Variants in CAST observed in about 807,000 individuals in gnomAD.
CAST encodes the protein MIR583 host.
A neutral mutation model predicts 119.6 loss-of-function variants in CAST; 76 were observed. The ratio of observed to expected loss-of-function variants is 0.64; its 90% CI spans 0.53 to 0.77. The LOEUF is 0.77. Ranked by LOEUF, CAST falls within the 30% of genes least tolerant of loss-of-function variation. The pLI, the probability that CAST is intolerant of heterozygous loss-of-function variation, is 0.00. For synonymous variants in CAST, 319 were observed against 331.6 expected (o/e 0.96, Z 0.41); for missense variants, 953 against 946.5 (o/e 1.01, Z -0.09).
At chr5:96,532,279 T>C (rs956594483) in intron 1 of CAST, among the ~76,000 whole-genome samples, 1 of 152,184 alleles carries the variant, frequency 6.6e-6, no homozygotes, top group Non-Finnish European at 1.5e-5. Flanking sequence ...CTTATTGTGA[T>C]GAATGAGAAA....
chr5:96,714,300 C>T (rs920884111), intron 3 of CAST, among the ~76,000 whole-genome samples: 1 of 152,194 alleles, frequency 6.6e-6, no homozygotes, highest in Non-Finnish European at 1.5e-5. Context: ...ATGCTCTTAA[C>T]CTCTGTGTTT....
chr5:96,771,617 C>G (rs1423756272), intron 30 of CAST, 27 bp from the exon 31 acceptor site: 1 of 1,599,154 alleles, frequency 6.3e-7, no homozygotes, highest in South Asian at 1.1e-5. Context: ...AAAGAAAGCT[C>G]ACGGATGGTT....
At chr5:96,429,045 A>G in the CAST span, among the ~76,000 whole-genome samples, 8 of 152,252 alleles carry the variant, frequency 5.3e-5, no homozygotes, top group East Asian at 1.5e-3. Context: ...TGTTATTATT[A>G]TGTGCCATTA....
the CAST span, chr5:95,961,599 C>A: frequency 1.2e-6 from 2 of 1,604,724 alleles, no homozygotes; most frequent in Non-Finnish European, 1.7e-6. Flanking sequence ...AAGTCTCGAG[C>A]GCCCGGATCG....
chr5:96,752,007 C>T (rs979826922), intron 20 of CAST, among the ~76,000 whole-genome samples: 4 of 152,076 alleles, frequency 2.6e-5, no homozygotes, highest in African/African-American at 4.8e-5. Flanking sequence ...CACCCTCGAA[C>T]GCCAGAAAGA....
chr5:96,454,650 C>T, the CAST span, among the ~76,000 whole-genome samples: 2 of 152,220 alleles, frequency 1.3e-5, no homozygotes, highest in Admixed American at 6.5e-5. Context: ...GACCCAGTTC[C>T]CTTCCTTGGT....
chr5:96,017,716 C>T, the CAST span, among the ~76,000 whole-genome samples: 1 of 151,852 alleles, frequency 6.6e-6, no homozygotes, highest in Admixed American at 6.6e-5. Flanking sequence ...TATTAGGACC[C>T]CTCTTAGCAT....
chr5:96,432,397 C>T, the CAST span, among the ~76,000 whole-genome samples: 2 of 152,184 alleles, frequency 1.3e-5, no homozygotes, highest in South Asian at 4.1e-4. Flanking sequence ...CTGCTTAGCC[C>T]CTTGCATCAG....
the CAST span, among the ~76,000 whole-genome samples, chr5:96,513,416 G>A: frequency 6.6e-6 from 1 of 152,234 alleles, no homozygotes; most frequent in Non-Finnish European, 1.5e-5. Context: ...AGGGAAAAGA[G>A]TGCAGGGGTG....
chr5:96,736,734 C>T (rs993504996), intron 10 of CAST, among the ~76,000 whole-genome samples: 2 of 152,022 alleles, frequency 1.3e-5, no homozygotes, highest in African/African-American at 4.8e-5. Flanking sequence ...ATACAAGGTC[C>T]TTTCCTAGAT....
At chr5:96,693,118 T>G (rs553563006) in intron 2 of CAST, among the ~76,000 whole-genome samples, 1 of 152,318 alleles carries the variant, frequency 6.6e-6, no homozygotes, top group South Asian at 2.1e-4. Flanking sequence ...AGATAAAAAT[T>G]TAATGAAAGA....
chr5:96,646,445 A>T (rs1458495811), intron 1 of CAST, among the ~76,000 whole-genome samples: 1 of 152,226 alleles, frequency 6.6e-6, no homozygotes, highest in Non-Finnish European at 1.5e-5. Context: ...TTTAAAAGGT[A>T]GATTTCTGTA....
At chr5:96,656,912 G>A (rs1399353858) in intron 1 of CAST, among the ~76,000 whole-genome samples, 3 of 150,450 alleles carry the variant, frequency 2.0e-5, no homozygotes, top group Non-Finnish European at 4.4e-5. Context: ...ATGACTTTGA[G>A]TATTAAATCC....
chr5:96,444,210 T>C, the CAST span, among the ~76,000 whole-genome samples: 1 of 152,186 alleles, frequency 6.6e-6, no homozygotes, highest in Non-Finnish European at 1.5e-5. Context: ...TGAGTCTAGG[T>C]TATGCCTTCA....
chr5:96,763,177 T>G, intron 25 of CAST: 1 of 780,708 alleles, frequency 1.3e-6, no homozygotes, highest in Non-Finnish European at 2.4e-6. Flanking sequence ...TTTAGTGCTG[T>G]AGTCTGAGAT....
the CAST span, among the ~76,000 whole-genome samples, chr5:96,480,464 T>C: frequency 1.3e-5 from 2 of 152,186 alleles, no homozygotes; most frequent in Non-Finnish European, 2.9e-5. Flanking sequence ...GAAGTAGATA[T>C]GTCTTGTAGA....
the CAST span, among the ~76,000 whole-genome samples, chr5:96,360,682 C>T: frequency 6.6e-6 from 1 of 152,352 alleles, no homozygotes; most frequent in East Asian, 1.9e-4. Context: ...GCAGAGATTG[C>T]TGCCTGTTCC....
the CAST span, among the ~76,000 whole-genome samples, chr5:96,284,541 G>A: frequency 6.6e-6 from 1 of 152,140 alleles, no homozygotes; most frequent in South Asian, 2.1e-4. Context: ...CTTCCATCGG[G>A]GTAGTGTGTT....
the CAST span, among the ~76,000 whole-genome samples, chr5:96,076,956 TTTA>T: frequency 6.6e-6 from 1 of 150,916 alleles, no homozygotes; most frequent in Non-Finnish European, 1.5e-5. Flanking sequence ...GCATATAGAT[TTTA>T]TAATATTTAT....
Sources: gnomAD v4.1 joint callset for allele counts (sites outside exome capture counted in the v4.1 genomes callset) on GRCh38, gnomAD v4.1.1 for gene constraint, MANE v1.5 for transcripts, NCBI Gene and HGNC (gene_info 2026-07-23, HGNC 2026-07-21) for gene names.